YLPM1: variants seen among roughly 807,000 people sequenced by gnomAD.
YLPM1 encodes the protein YLP motif containing 1.
YLPM1 carries 99 observed loss-of-function variants against 230.0 expected under a neutral mutation model. The ratio of observed to expected loss-of-function variants is 0.43; its 90% CI spans 0.37 to 0.51. The LOEUF is 0.51. YLPM1 is among the 20% of genes least tolerant of loss of function. The pLI is 0.00. For synonymous variants in YLPM1, 984 were observed against 942.5 expected (o/e 1.04, Z -0.81); for missense variants, 2,592 against 2,707.7 (o/e 0.96, Z 0.95).
At chr14:74,830,089 T>C (rs2091596271) in intron 19 of YLPM1, among the ~76,000 whole-genome samples, 1 of 152,178 alleles carries the variant, frequency 6.6e-6, no homozygotes, top group Admixed American at 6.5e-5. Context: ...TATAGTCAGT[T>C]TTTAAATGAT....
In YLPM1 at chr14:74,798,096, T is replaced by C; in HGVS notation, c.2799T>C (p.Thr933=). The change falls in exon 5 of 21, where the codon ACT becomes ACC. Residue 933 remains threonine, a synonymous_variant. Coordinates refer to ENST00000325680, the MANE Select transcript of YLPM1 (RefSeq NM_019589.3). ...NWDQNVQSME[T]QIDKAQAVTQ... ...ACCAGAATGTTCAAAGTATGGAGAC[T>C]CAAATCGACAAAGCCCAAGCTGTTA... 1.9e-6 allele frequency: 3 copies of C among 1,613,868 alleles called. No homozygotes were observed. The highest frequency in any genetic ancestry group is 2.5e-6 in the Non-Finnish European group (3 of 1,179,866).
rs1208846142 is a variant in YLPM1 at position 74,781,570 on chromosome 14, G to A, written c.1527G>A (p.Gln509=). ...ATTCATTTCAGAACATGAAGAACCA[G>A]TATATGGGGAACATGTCAATGCCAC... ...KVNSFQNMKN[Q]YMGNMSMPPP... is the part of the protein sequence containing the mutation. The change falls in exon 4 of 21, where the codon CAG becomes CAA. Residue 509 remains glutamine, a synonymous_variant. Coordinates refer to ENST00000325680, the MANE Select transcript of YLPM1 (RefSeq NM_019589.3). 6.2e-7 allele frequency: 1 copy of A among 1,613,994 alleles called. No individual in the cohort carries two copies. Among genetic ancestry groups the A allele is most frequent in the Admixed American group, 1.7e-5 (1 of 60,022 alleles).
Position 74,764,311 on chromosome 14 carries a change from T to G in YLPM1, c.822T>G (p.Thr274=), listed in dbSNP as rs1353717862. The G allele has an allele frequency of 1.2e-6, 2 of 1,613,482 alleles. No individual in the cohort carries two copies. Among genetic ancestry groups the G allele is most frequent in the African/African-American group, 2.7e-5 (2 of 74,874 alleles). ...PLESGAKNKS[T]EQQQAAPEPD... ...AGAGTGGGGCCAAAAACAAGAGTAC[T>G]GAACAGCAGCAAGCCGCCCCTGAGC... The change falls in exon 1 of 21, where the codon ACT becomes ACG. Residue 274 remains threonine (T), a synonymous_variant. Coordinates refer to ENST00000325680, the MANE Select transcript of YLPM1 (RefSeq NM_019589.3).
At chr14:74,789,573 A>C (rs577541587) in intron 4 of YLPM1, among the ~76,000 whole-genome samples, 1 of 147,260 alleles carries the variant, frequency 6.8e-6, no homozygotes, top group South Asian at 2.2e-4. Flanking sequence ...TGTGGGTCAC[A>C]TTTGGTCTCT....
At position 74,818,299 on chromosome 14, in the gene YLPM1, T is replaced by C. The variant is rs766310188; in HGVS notation, c.6015T>C (p.Asp2005=). ...MRLDIRSLLQ[D]AAIEEVEMED... is the part of the protein sequence containing the mutation. ...TAGATATTCGTTCTTTGCTGCAAGA[T>C]GCTGCTATTGAAGAGGTGAGTATCC... Residue 2005 remains aspartate (D), a synonymous_variant, in exon 16 of 21, where the codon GAT becomes GAC. Transcript: ENST00000325680. 1 of 1,601,818 alleles carries C rather than the reference T, an allele frequency of 6.2e-7. No homozygotes were observed. Among genetic ancestry groups the C allele is most frequent in the East Asian group, 2.2e-5 (1 of 44,558 alleles).
intron 18 of YLPM1, chr14:74,827,616 C>T (rs1464860899): frequency 1.0e-6 from 1 of 985,362 alleles, no homozygotes; most frequent in African/African-American, 1.7e-5. Context: ...GTTGTTGGAA[C>T]TGAAATATGA....
At chr14:74,817,302 T>C in intron 15 of YLPM1, 25 bp downstream of exon 15, 1 of 1,550,592 alleles carries the variant, frequency 6.4e-7, no homozygotes, top group Non-Finnish European at 8.7e-7. Flanking sequence ...CATAGAATAA[T>C]AGAGTACTAT....
intron 4 of YLPM1, among the ~76,000 whole-genome samples, chr14:74,796,661 T>C (rs2091263985): frequency 6.6e-6 from 1 of 152,204 alleles, no homozygotes; most frequent in Non-Finnish European, 1.5e-5. Flanking sequence ...ACTTTCTTTT[T>C]ACTGGATGAG....
At chr14:74,810,786 G>T (rs1033123156) in intron 9 of YLPM1, among the ~76,000 whole-genome samples, 1 of 152,038 alleles carries the variant, frequency 6.6e-6, no homozygotes, top group Non-Finnish European at 1.5e-5. Context: ...AAAAGGGAAA[G>T]GGGGGCAAGC....
At chr14:74,780,670 C>A in intron 3 of YLPM1, 86 bp downstream of exon 3, 1 of 1,491,904 alleles carries the variant, frequency 6.7e-7, no homozygotes, top group Non-Finnish European at 8.9e-7. Context: ...GTGTAAAAAA[C>A]AAAAGATACC....
rs1289317863 is a variant in YLPM1 at position 74,799,540 on chromosome 14, C to T, written c.4243C>T (p.Pro1415Ser). The T allele has an allele frequency of 6.2e-7, 1 of 1,613,888 alleles. No individual in the cohort carries two copies. Among genetic ancestry groups the T allele is most frequent in the Non-Finnish European group, 8.5e-7 (1 of 1,179,892 alleles). ...CCCATCTGATGTGGATAGACATTCC[C>T]CCATGGCGGAACATATGCCCTCCTC... ...WYPSDVDRHSPMAEHMPSSHH... is the reference protein window; with the variant it reads ...WYPSDVDRHSSMAEHMPSSHH... The change falls in exon 5 of 21, where the codon CCC (proline) becomes TCC (serine). Residue 1415 changes from proline (P) to serine (S), a missense_variant. By Grantham distance (74) the Pro-to-Ser change is moderately conservative (BLOSUM62 -1). This residue lies in a region of YLPM1 where 1,862 missense variants were observed against 1,819.8 expected (regional missense o/e 1.02). Transcript: ENST00000325680.
intron 1 of YLPM1, among the ~76,000 whole-genome samples, chr14:74,774,761 C>A (rs2091016351): frequency 2.0e-5 from 3 of 151,100 alleles, no homozygotes; most frequent in Non-Finnish European, 2.9e-5. Flanking sequence ...CCAGGCTGGT[C>A]TTGAACTCCT....
chr14:74,775,310 A>T (rs2091024179), intron 1 of YLPM1, among the ~76,000 whole-genome samples: 1 of 152,330 alleles, frequency 6.6e-6, no homozygotes, highest in East Asian at 1.9e-4. Context: ...AAAGAGGGGA[A>T]GGCAGCTGTC....
intron 10 of YLPM1, 44 bp from the exon 11 acceptor site, chr14:74,812,584 A>G: frequency 1.9e-6 from 3 of 1,567,746 alleles, no homozygotes; most frequent in Non-Finnish European, 2.6e-6. Flanking sequence ...TTTCAAAATA[A>G]TTACTCTACA....
At chr14:74,790,853 T>C (rs1053124188) in intron 4 of YLPM1, among the ~76,000 whole-genome samples, 1 of 152,246 alleles carries the variant, frequency 6.6e-6, no homozygotes, top group Non-Finnish European at 1.5e-5. Context: ...TCTCTTGATA[T>C]ATTTGTTACA....
intron 5 of YLPM1, among the ~76,000 whole-genome samples, chr14:74,801,894 CACCATTTTGCA>C (rs1460518109): frequency 6.6e-6 from 1 of 152,090 alleles, no homozygotes; most frequent in Non-Finnish European, 1.5e-5. Context: ...GCCCATGGGC[CACCATTTTGCA>C]ACCTCTGGTC....
Position 74,836,254 on chromosome 14 carries a change from A to C in YLPM1, c.*516A>C, listed in dbSNP as rs768931900. On this transcript the variant is annotated 3_prime_UTR_variant, in exon 21 of 21. Transcript: ENST00000325680. ...TTGCTTTTTAAATATGGTATGTCCT[A>C]ATTAAATGCTAGCTGAACATCCCAA... is the stretch of plus-strand genomic sequence containing the variant. 1.1e-4 allele frequency: 17 copies of C among 154,232 alleles called. No homozygotes were observed. Among genetic ancestry groups the C allele is most frequent in the Non-Finnish European group, 2.3e-4 (16 of 69,382 alleles). The allele number at this position is 154,232 out of a possible 1,614,324, so 9.6% of individuals were successfully genotyped here. A position where few individuals can be genotyped will look rare whatever the true frequency, so the allele number is the denominator to read the frequency against.
intron 1 of YLPM1, among the ~76,000 whole-genome samples, chr14:74,774,313 A>C (rs1188008484): frequency 6.6e-6 from 1 of 151,894 alleles, no homozygotes; most frequent in Non-Finnish European, 1.5e-5. Flanking sequence ...GCTCACTGCA[A>C]CCTCCACCTC....
At chr14:74,769,623 C>T (rs1343005074) in intron 1 of YLPM1, among the ~76,000 whole-genome samples, 2 of 151,318 alleles carry the variant, frequency 1.3e-5, no homozygotes, top group East Asian at 2.0e-4. Context: ...AGAGGTTTCA[C>T]CATCTTGGCC....
Sources: gnomAD v4.1 joint callset for allele counts (sites outside exome capture counted in the v4.1 genomes callset) on GRCh38, gnomAD v4.1.1 for gene constraint, gnomAD v4.1.1 regional missense constraint, MANE v1.5 for transcripts, NCBI Gene and HGNC (gene_info 2026-07-23, HGNC 2026-07-21) for gene names.